FHIT: variants seen among roughly 807,000 people sequenced by gnomAD.
FHIT encodes the protein bis(5'-adenosyl)-triphosphatase.
A neutral mutation model predicts 17.9 loss-of-function variants in FHIT; 19 were observed. That is an observed-to-expected ratio of 1.06 (90% CI 0.74 to 1.56). The LOEUF is 1.56. FHIT is among the 40% of genes most tolerant of loss of function. The pLI, the probability that FHIT is intolerant of heterozygous loss-of-function variation, is 0.00. For synonymous variants in FHIT, 81 were observed against 69.7 expected, an observed-to-expected ratio of 1.16 and a Z score of -0.81; for missense variants, 248 against 189.2, an observed-to-expected ratio of 1.31 and a Z score of -1.82.
chr3:60,119,661 A>C (rs576411439), intron 5 of FHIT, among the ~76,000 whole-genome samples: 6 of 152,228 alleles, frequency 3.9e-5, no homozygotes, highest in Non-Finnish European at 5.9e-5. Context: ...AGAAACCTGG[A>C]AATAAACTGT....
chr3:60,889,660 C>T (rs1426572440), intron 3 of FHIT, among the ~76,000 whole-genome samples: 16 of 152,082 alleles, frequency 1.1e-4, no homozygotes, highest in Admixed American at 1.0e-3. Context: ...CAGTGTAGTA[C>T]CCTATAGCTG....
chr3:60,241,433 T>C (rs2107573735), intron 5 of FHIT, among the ~76,000 whole-genome samples: 1 of 152,308 alleles, frequency 6.6e-6, no homozygotes, highest in African/African-American at 2.4e-5. Flanking sequence ...TTTCCATTAA[T>C]AAGCACGCTC....
At chr3:60,639,411 G>A (rs1415854742) in intron 4 of FHIT, among the ~76,000 whole-genome samples, 2 of 152,044 alleles carry the variant, frequency 1.3e-5, no homozygotes, top group Non-Finnish European at 2.9e-5. Flanking sequence ...AATGCTAAAA[G>A]ACCAAAAACG....
chr3:60,711,337 A>G (rs569862274), intron 4 of FHIT, among the ~76,000 whole-genome samples: 3 of 152,322 alleles, frequency 2.0e-5, no homozygotes, highest in Admixed American at 6.5e-5. Flanking sequence ...AACAAGAGCA[A>G]AAAAACTGGA....
At chr3:61,205,027 T>A (rs1422770206) in intron 1 of FHIT, among the ~76,000 whole-genome samples, 2 of 143,678 alleles carry the variant, frequency 1.4e-5, no homozygotes, top group Admixed American at 7.4e-5. Flanking sequence ...TGTGTCCATG[T>A]GTTCTCATTG....
chr3:59,910,394 T>C (rs982389754), intron 8 of FHIT, among the ~76,000 whole-genome samples: 2 of 152,170 alleles, frequency 1.3e-5, no homozygotes, highest in Non-Finnish European at 2.9e-5. Context: ...GGGAGGCAGG[T>C]TGCCCCTAAG....
intron 3 of FHIT, among the ~76,000 whole-genome samples, chr3:60,838,397 G>A (rs1216367226): frequency 9.9e-5 from 15 of 152,146 alleles, no homozygotes; most frequent in Admixed American, 5.2e-4. Context: ...GCTTGAACCC[G>A]GGAGGCAGAG....
chr3:60,207,878 G>C (rs1209733028), intron 5 of FHIT, among the ~76,000 whole-genome samples: 1 of 152,148 alleles, frequency 6.6e-6, no homozygotes, highest in Non-Finnish European at 1.5e-5. Context: ...CATTTCTGCA[G>C]ATAAATTTGA....
chr3:60,730,893 G>A (rs1261063419), intron 4 of FHIT, among the ~76,000 whole-genome samples: 1 of 151,192 alleles, frequency 6.6e-6, no homozygotes, highest in Non-Finnish European at 1.5e-5. Flanking sequence ...GAGGCAGGTG[G>A]ATCACGAGGT....
intron 4 of FHIT, among the ~76,000 whole-genome samples, chr3:60,813,974 G>GT (rs1275735269): frequency 2.6e-5 from 4 of 151,828 alleles, no homozygotes; most frequent in South Asian, 2.1e-4. Context: ...ACCTATCTGT[G>GT]TTTTTTTATT....
chr3:59,769,091 C>T (rs73094593), intron 8 of FHIT, among the ~76,000 whole-genome samples: 18,863 of 152,256 alleles, frequency 0.12, 1,242 homozygotes, highest in South Asian at 0.23. Flanking sequence ...AAAGGTATGT[C>T]TGTGCCTGCA....
chr3:59,753,798 C>T (rs564114179), intron 8 of FHIT, among the ~76,000 whole-genome samples: 1 of 152,064 alleles, frequency 6.6e-6, no homozygotes, highest in African/African-American at 2.4e-5. Context: ...AAGTTCATAC[C>T]CCGGTCCAAA....
rs984819073 is a variant in FHIT at position 59,897,978 on chromosome 3, A to G, written c.348+24368T>C. ...GAGACGGGGTTTCGCCGTGTTAGCCAGGATGGTCTCGATCTCCTGAACTTG... is the reference window on the plus strand; with the variant it reads ...GAGACGGGGTTTCGCCGTGTTAGCCGGGATGGTCTCGATCTCCTGAACTTG... On this transcript the variant is annotated intron_variant, in intron 8 of 9. Coordinates refer to ENST00000492590, the MANE Select transcript of FHIT (RefSeq NM_002012.4). 2.0e-4 allele frequency among the ~76,000 whole-genome samples: 31 copies of G among 152,186 alleles called. 3 individuals are homozygous for G. Among genetic ancestry groups the G allele is most frequent in the Admixed American group, 1.8e-3 (28 of 15,278 alleles).
intron 4 of FHIT, among the ~76,000 whole-genome samples, chr3:60,633,812 C>A (rs554094602): frequency 1.5e-4 from 23 of 152,244 alleles, no homozygotes; most frequent in Admixed American, 1.4e-3. Flanking sequence ...TTTCCATCTG[C>A]GCGATTTAAC....
intron 2 of FHIT, chr3:61,166,924 A>G (rs1010301036): frequency 6.6e-6 from 1 of 152,252 alleles, no homozygotes; most frequent in African/African-American, 2.4e-5. Flanking sequence ...GGTTAGAGTA[A>G]GTGCCATTGC....
chr3:60,168,765 C>T (rs576555542), intron 5 of FHIT, among the ~76,000 whole-genome samples: 3 of 152,192 alleles, frequency 2.0e-5, no homozygotes, highest in African/African-American at 7.2e-5. Flanking sequence ...TGGCACCACA[C>T]AGTGAAGCTA....
intron 2 of FHIT, among the ~76,000 whole-genome samples, chr3:61,121,654 C>T (rs939486802): frequency 2.0e-5 from 3 of 152,162 alleles, no homozygotes; most frequent in African/African-American, 4.8e-5. Flanking sequence ...ATTGTAAAGA[C>T]CATTGACACT....
chr3:60,770,035 T>A (rs572488465), intron 4 of FHIT, among the ~76,000 whole-genome samples: 1 of 152,206 alleles, frequency 6.6e-6, no homozygotes, highest in African/African-American at 2.4e-5. Context: ...AGTTGGGAAA[T>A]GAAGTTCCTG....
intron 8 of FHIT, among the ~76,000 whole-genome samples, chr3:59,839,757 G>C (rs2106742811): frequency 6.6e-6 from 1 of 152,074 alleles, no homozygotes; most frequent in African/African-American, 2.4e-5. Context: ...TTCCTTACCA[G>C]GATTCAGAGG....
Sources: allele counts gnomAD v4.1 joint callset (sites outside exome capture counted in the v4.1 genomes callset), GRCh38; gene constraint gnomAD v4.1.1; transcripts MANE v1.5; gene names NCBI Gene and HGNC (gene_info 2026-07-23, HGNC 2026-07-21).